The following MCOLN1 variants were observed in gnomAD, a reference collection of about 807,000 sequenced individuals.
MCOLN1 encodes the protein mucolipin TRP cation channel 1, also known as mucolipin-1.
MCOLN1 carries 50 observed loss-of-function variants against 70.3 expected under a neutral mutation model. The ratio of observed to expected loss-of-function variants is 0.71; its 90% confidence interval spans 0.57 to 0.90. MCOLN1 has a LOEUF of 0.90. MCOLN1 is among the 40% of genes least tolerant of loss of function. The pLI, the probability that MCOLN1 is intolerant of heterozygous loss-of-function variation, is 0.00. For missense variants in MCOLN1, 598 were observed against 803.5 expected (o/e 0.74, Z 3.09); for synonymous variants, 366 against 341.0 (o/e 1.07, Z -0.81).
intron 4 of MCOLN1, 131 bp downstream of exon 4, chr19:7,527,057 T>C: frequency 1.6e-6 from 2 of 1,245,350 alleles, no homozygotes; most frequent in Non-Finnish European, 2.3e-6. Context: ...GAAGGATTGC[T>C]TGAGGCCAGA....
At chr19:7,523,542 G>C (rs140963960) in intron 1 of MCOLN1, among the ~76,000 whole-genome samples, 1 of 152,336 alleles carries the variant, frequency 6.6e-6, no homozygotes, top group Non-Finnish European at 1.5e-5. Context: ...CTCTCTGCAA[G>C]GGAGGTTCTG....
chr19:7,533,713 G>A lies in MCOLN1; in HGVS notation c.1707-46G>A, dbSNP rs555149991. The stretch of plus-strand genomic sequence containing the variant: ...GGTTAGGGAATGGGGAAAGGGGAGC[G>A]AGCCAGAGAAAACTGACGCCCCTCT... On this transcript the variant is annotated intron_variant, in intron 13 of 13. Coordinates refer to ENST00000264079, the MANE Select transcript of MCOLN1 (RefSeq NM_020533.3). 53 of 1,614,150 alleles carry A rather than the reference G, an allele frequency of 3.3e-5. No individual in the cohort carries two copies. The South Asian group carries it at 4.7e-4, about 14-fold the overall frequency.
At chr19:7,527,733 C>T (rs749235285) in intron 5 of MCOLN1, 105 bp downstream of exon 5, 5 of 1,083,192 alleles carry the variant, frequency 4.6e-6, no homozygotes, top group Non-Finnish European at 5.8e-6. Flanking sequence ...GCCCCCCCGC[C>T]CGCGCTGGTG....
chr19:7,527,012 C>A, intron 4 of MCOLN1, 86 bp downstream of exon 4: 2 of 1,542,156 alleles, frequency 1.3e-6, no homozygotes, highest in South Asian at 1.1e-5. Context: ...CGGTGGCTCA[C>A]GCCTATAATA....
At chr19:7,527,723 GC>G (rs762529287) in intron 5 of MCOLN1, 95 bp downstream of exon 5, 15 of 1,076,502 alleles carry the variant, frequency 1.4e-5, no homozygotes, top group Non-Finnish European at 2.0e-5. Context: ...TGGGGACAGG[GC>G]CCCCCCGCCC....
Position 7,525,771 on chromosome 19 carries a change from G to A in MCOLN1, c.237+605G>A, listed in dbSNP as rs956404689. Reference sequence around the variant, plus strand: ...TGCCTCTAATTTTCCCTCTGAAAAGGGACCCAATTGTCCAGGCATGGTGGC... The same window carrying A: ...TGCCTCTAATTTTCCCTCTGAAAAGAGACCCAATTGTCCAGGCATGGTGGC... On this transcript the variant is annotated intron_variant, in intron 2 of 13. Coordinates refer to ENST00000264079, the MANE Select transcript of MCOLN1 (RefSeq NM_020533.3). The surrounding 1 kb of genome is among the most constrained non-coding windows in gnomAD (Gnocchi z 4.2). 27 of 169,156 alleles carry A rather than the reference G, an allele frequency of 1.6e-4. 1 individual carries two copies. The highest frequency in any genetic ancestry group is 1.4e-3 in the Admixed American group (25 of 18,166). 10.5% of individuals were successfully genotyped at this position (169,156 alleles called of 1,614,324 possible).
In MCOLN1 at chr19:7,533,869, G is replaced by A; in HGVS notation, c.*74G>A. The A allele has an allele frequency of 6.3e-7, 1 of 1,585,568 alleles. No individual in the cohort carries two copies. Among genetic ancestry groups the A allele is most frequent in the Non-Finnish European group, 8.6e-7 (1 of 1,158,474 alleles). Reference sequence around the variant, plus strand: ...CGCCCCCGACCCCGCTTATTTATTTGTAGGGTTTGCTTTTAAGGATCGGCT... The same window carrying A: ...CGCCCCCGACCCCGCTTATTTATTTATAGGGTTTGCTTTTAAGGATCGGCT... On this transcript the variant is annotated 3_prime_UTR_variant, in exon 14 of 14. Coordinates refer to ENST00000264079, the MANE Select transcript of MCOLN1 (RefSeq NM_020533.3).
intron 1 of MCOLN1, among the ~76,000 whole-genome samples, chr19:7,522,985 G>T (rs1042419001): frequency 6.6e-6 from 1 of 152,208 alleles, no homozygotes; most frequent in Non-Finnish European, 1.5e-5. Context: ...CCCAGGCTCT[G>T]CTGGGTTCCC....
At chr19:7,522,960 A>G (rs571230884) in intron 1 of MCOLN1, among the ~76,000 whole-genome samples, 179 bp downstream of exon 1, 20 of 152,156 alleles carry the variant, frequency 1.3e-4, no homozygotes, top group African/African-American at 4.8e-4. Flanking sequence ...AGCCTCTCCA[A>G]TTCTTCCTCC....
rs747478121 is a variant in MCOLN1 at position 7,529,746 on chromosome 19, CCTGTGACCTTGTCATTGACA to C, written c.1359+43_1359+62del. 4 of 1,613,180 alleles carry C rather than the reference CCTGTGACCTTGTCATTGACA, an allele frequency of 2.5e-6. No homozygotes were observed. In the South Asian group the frequency reaches 3.3e-5, roughly 13 times the overall value. On this transcript the variant is annotated intron_variant, in intron 11 of 13. Transcript: ENST00000264079. ...AACCCCTGATGTCCCTGACATTGAC[CCTGTGACCTTGTCATTGACA>C]CTGTGACCCCCAGATGACCCCTTGG...
At position 7,522,767 on chromosome 19, in the gene MCOLN1, G is replaced by T. The variant is rs2146019192; in HGVS notation, c.17G>T (p.Gly6Val). The stretch of plus-strand genomic sequence containing the variant: ...CGCCCCAGCATGACAGCCCCGGCGG[G>T]TCCGCGCGGCTCAGGTGAGGGCGCG... Reference protein sequence around the residue: MTAPAGPRGSETERLL... With the variant: MTAPAVPRGSETERLL... Residue 6 changes from glycine to valine, a missense_variant, in exon 1 of 14, where the codon GGT (glycine) becomes GTT (valine). By Grantham distance (109) the Gly-to-Val change is moderately radical. Transcript: ENST00000264079. 1 of 1,409,982 alleles carries T rather than the reference G, an allele frequency of 7.1e-7. No homozygotes were observed. The highest frequency in any genetic ancestry group is 9.2e-7 in the Non-Finnish European group (1 of 1,085,986). 87.3% of individuals were successfully genotyped at this position (1,409,982 alleles called of 1,614,324 possible). A position where few individuals can be genotyped will look rare whatever the true frequency, so the allele number is the denominator to read the frequency against.
chr19:7,529,524 T>TGG, intron 10 of MCOLN1, 66 bp from the exon 11 acceptor site: 1 of 542,808 alleles, frequency 1.8e-6, no homozygotes, highest in East Asian at 5.9e-5. Context: ...CACCCCCATC[T>TGG]GGGTGCCCAC....
chr19:7,526,221 C>T lies in MCOLN1; in HGVS notation c.238-218C>T, dbSNP rs918746356. On this transcript the variant is annotated intron_variant, in intron 2 of 13. Coordinates refer to ENST00000264079, the MANE Select transcript of MCOLN1 (RefSeq NM_020533.3). The surrounding 1 kb of genome is among the most constrained non-coding windows in gnomAD (Gnocchi z 4.6). ...GTACGGGGGAGGACACAGTGGTGGG[C>T]GTGGCATGGAGCTTATGCCAGGAGG... The T allele has an allele frequency of 5.8e-5, 36 of 623,160 alleles. No individual in the cohort carries two copies. Among genetic ancestry groups the T allele is most frequent in the Middle Eastern group, 3.8e-4 (1 of 2,628 alleles). 38.6% of individuals were successfully genotyped at this position (623,160 alleles called of 1,614,324 possible). A position where few individuals can be genotyped will look rare whatever the true frequency, so the allele number is the denominator to read the frequency against.
Position 7,522,759 on chromosome 19 carries a change from C to T in MCOLN1, c.9C>T (p.Ala3=), listed in dbSNP as rs2146019172. 7.0e-7 allele frequency: 1 copy of T among 1,424,862 alleles called. No homozygotes were observed. Among genetic ancestry groups the T allele is most frequent in the Non-Finnish European group, 9.2e-7 (1 of 1,092,584 alleles). The allele number at this position is 1,424,862 out of a possible 1,614,324, so 88.3% of individuals were successfully genotyped here. Residue 3 remains alanine, a synonymous_variant, in exon 1 of 14, where the codon GCC becomes GCT. Transcript: ENST00000264079. ...CGCGCTCCCGCCCCAGCATGACAGC[C>T]CCGGCGGGTCCGCGCGGCTCAGGTG... MT[A]PAGPRGSETE...
At position 7,526,325 on chromosome 19, in the gene MCOLN1, A is replaced by C. The variant is rs1262860009; in HGVS notation, c.238-114A>C. On this transcript the variant is annotated intron_variant, in intron 2 of 13. Transcript: ENST00000264079. This position sits in a 1 kb window ranked among gnomAD's most constrained non-coding sequence, Gnocchi z 4.6. ...GCCCAAGTTAGCAGGGCCCTGCCCC[A>C]CCCCAGTGGACATCTGCAGGGCCCT... The C allele has an allele frequency of 2.0e-5, 25 of 1,249,240 alleles. No individual in the cohort carries two copies. Among genetic ancestry groups the C allele is most frequent in the Non-Finnish European group, 2.9e-5 (25 of 850,530 alleles). 77.4% of individuals were successfully genotyped at this position (1,249,240 alleles called of 1,614,324 possible). A position where few individuals can be genotyped will look rare whatever the true frequency, so the allele number is the denominator to read the frequency against.
intron 1 of MCOLN1, among the ~76,000 whole-genome samples, chr19:7,523,435 T>C (rs1215720828): frequency 6.6e-6 from 1 of 152,234 alleles, no homozygotes; most frequent in Non-Finnish European, 1.5e-5. Context: ...GTGGGTTAGC[T>C]GTAATCTCAG....
intron 1 of MCOLN1, among the ~76,000 whole-genome samples, chr19:7,523,228 C>T (rs949627287): frequency 1.3e-5 from 2 of 152,250 alleles, no homozygotes; most frequent in African/African-American, 4.8e-5. Flanking sequence ...GGGATTGCCC[C>T]CAGGCGATTA....
chr19:7,525,099 G>C lies in MCOLN1; in HGVS notation c.170G>C (p.Arg57Pro). ...YFFMSPCDKF[R>P]AKGRKPCKLM... ...TTCATGAGTCCCTGCGACAAGTTTC[G>C]AGCCAAGGGCCGCAAGCCCTGCAAG... The change falls in exon 2 of 14, where the codon CGA (arginine) becomes CCA (proline). Residue 57 changes from arginine to proline, a missense_variant. Coordinates refer to ENST00000264079, the MANE Select transcript of MCOLN1 (RefSeq NM_020533.3). This position sits in a 1 kb window ranked among gnomAD's most constrained non-coding sequence, Gnocchi z 4.2. The C allele has an allele frequency of 1.2e-6, 2 of 1,614,088 alleles. No homozygotes were observed. Among genetic ancestry groups the C allele is most frequent in the Non-Finnish European group, 1.7e-6 (2 of 1,180,020 alleles).
chr19:7,529,775 C>A, intron 11 of MCOLN1, 63 bp downstream of exon 11: 1 of 1,599,236 alleles, frequency 6.3e-7, no homozygotes, highest in Non-Finnish European at 8.6e-7. Flanking sequence ...CACTGTGACC[C>A]CCAGATGACC....
Sources: allele counts gnomAD v4.1 joint callset (sites outside exome capture counted in the v4.1 genomes callset), GRCh38; gene constraint gnomAD v4.1.1; non-coding constraint Gnocchi (gnomAD v3.1); transcripts MANE v1.5; gene names NCBI Gene and HGNC (gene_info 2026-07-23, HGNC 2026-07-21).